Variants in PPP2R5C observed in about 807,000 individuals in gnomAD.
The protein encoded by PPP2R5C is protein phosphatase 2 regulatory subunit B'gamma.
PPP2R5C carries 7 observed loss-of-function variants against 68.9 expected under a neutral mutation model. The ratio of observed to expected loss-of-function variants is 0.10; its 90% CI spans 0.06 to 0.19. PPP2R5C has a LOEUF of 0.19. Among genes scored for constraint, PPP2R5C ranks in the 10% least tolerant of loss-of-function variants. The pLI, the probability that PPP2R5C is intolerant of heterozygous loss-of-function variation, is 1.00. For synonymous variants in PPP2R5C, 210 were observed against 222.2 expected (o/e 0.95, Z 0.49); for missense variants, 348 against 641.3 (o/e 0.54, Z 4.94).
intron 1 of PPP2R5C, among the ~76,000 whole-genome samples, chr14:101,838,035 G>A (rs1353603493): frequency 6.6e-6 from 1 of 152,182 alleles, no homozygotes; most frequent in African/African-American, 2.4e-5. Context: ...TAGAGTTAAT[G>A]TGTAAAGATT....
chr14:101,893,272 A>G (rs901484767), intron 7 of PPP2R5C, among the ~76,000 whole-genome samples, 164 bp downstream of exon 9: 3 of 152,238 alleles, frequency 2.0e-5, no homozygotes, highest in Non-Finnish European at 4.4e-5. Flanking sequence ...GGGGGTAAAG[A>G]GAGATTCCTT....
chr14:101,870,294 A>G (rs2476523), intron 2 of PPP2R5C, among the ~76,000 whole-genome samples: 20,773 of 152,026 alleles, frequency 0.14, 1,645 homozygotes, highest in African/African-American at 0.2. Context: ...TAAGCTCACA[A>G]AGATTTTTCT....
intron 2 of PPP2R5C, among the ~76,000 whole-genome samples, chr14:101,780,880 A>C (rs1441151477): frequency 1.3e-5 from 2 of 152,152 alleles, no homozygotes; most frequent in East Asian, 3.9e-4. Context: ...GGGGTCCAGC[A>C]TTTGGCTCAA....
At chr14:101,834,634 A>G (rs2040966600) in intron 1 of PPP2R5C, among the ~76,000 whole-genome samples, 1 of 152,228 alleles carries the variant, frequency 6.6e-6, no homozygotes, top group African/African-American at 2.4e-5. Flanking sequence ...CATAGAATGC[A>G]TGCTTAAAGC....
chr14:101,816,642 ACTTTT>A (rs2039687654), intron 1 of PPP2R5C, among the ~76,000 whole-genome samples: 1 of 151,722 alleles, frequency 6.6e-6, no homozygotes, highest in Admixed American at 6.6e-5. Flanking sequence ...TTTGTAAGGG[ACTTTT>A]CTTATTCTTA....
intron 1 of PPP2R5C, among the ~76,000 whole-genome samples, chr14:101,837,361 A>G (rs983547549): frequency 1.3e-5 from 2 of 152,060 alleles, no homozygotes; most frequent in East Asian, 1.9e-4. Flanking sequence ...CAGTCAGGCT[A>G]GTCCTCAACT....
intron 1 of PPP2R5C, among the ~76,000 whole-genome samples, chr14:101,828,552 A>C (rs1464914403): frequency 6.6e-6 from 1 of 152,170 alleles, no homozygotes; most frequent in Non-Finnish European, 1.5e-5. Context: ...ATACACAAAG[A>C]ACATACCTAT....
rs1273685865 is a variant in PPP2R5C at position 101,835,023 on chromosome 14, C to G, written c.95-21663C>G. Among the ~76,000 whole-genome samples the G allele has an allele frequency of 6.6e-6, 1 of 151,878 alleles. No homozygotes were observed. The highest frequency in any genetic ancestry group is 1.5e-5 in the Non-Finnish European group (1 of 67,994). Reference sequence around the variant, plus strand: ...GAAGTGTTTTGTTTTGTTTTGTTTACTTTTTAGGAGTGTATTCAAAGCACA... The same window carrying G: ...GAAGTGTTTTGTTTTGTTTTGTTTAGTTTTTAGGAGTGTATTCAAAGCACA... On this transcript the variant is annotated intron_variant, in intron 1 of 13. Transcript: ENST00000334743. This position sits in a 1 kb window ranked among gnomAD's most constrained non-coding sequence, Gnocchi z 5.0.
intron 13 of PPP2R5C, among the ~76,000 whole-genome samples, chr14:101,922,998 G>T (rs1293435161): frequency 1.3e-5 from 2 of 152,128 alleles, no homozygotes; most frequent in Admixed American, 1.3e-4. Flanking sequence ...AGCCTTCCGG[G>T]TCTGCCCGTG....
rs1198668666 is a variant in PPP2R5C at position 101,882,030 on chromosome 14, G to A, written c.295-131G>A. ...CTCTGAGGACCCACACAGCTTCTGC[G>A]TTTTGAGGATACGGAGGAGCTAAGT... On this transcript the variant is annotated intron_variant, in intron 2 of 13. Transcript: ENST00000334743. This position sits in a 1 kb window ranked among gnomAD's most constrained non-coding sequence, Gnocchi z 4.9. The A allele has an allele frequency of 6.7e-5, 45 of 675,158 alleles. 1 individual carries two copies. In the South Asian group the frequency reaches 7.1e-4, roughly 11 times the overall value. 41.8% of individuals were successfully genotyped at this position (675,158 alleles called of 1,614,324 possible).
upstream of PPP2R5C, among the ~76,000 whole-genome samples, chr14:101,806,623 T>G (rs1241730790): frequency 6.6e-6 from 1 of 152,340 alleles, no homozygotes; most frequent in South Asian, 2.1e-4. Context: ...TTTATAGCAT[T>G]TATATTTCCT....
rs2140030041 is a variant in PPP2R5C, at chr14:101,781,748, A to G, written c.94-4270A>G. The stretch of plus-strand genomic sequence containing the variant: ...CCCGGGGAAGAAGCGGAGGACGCCG[A>G]TCTGGCCTCCTGCGTTGCGCGCTCC... On this transcript the variant is annotated intron_variant, in intron 2 of 14. Transcript: ENST00000328724. This position sits in a 1 kb window ranked among gnomAD's most constrained non-coding sequence, Gnocchi z 6.4. 6.6e-6 allele frequency among the ~76,000 whole-genome samples: 1 copy of G among 151,702 alleles called. No individual in the cohort carries two copies. The highest frequency in any genetic ancestry group is 2.4e-5 in the African/African-American group (1 of 41,332).
upstream of PPP2R5C, chr14:101,809,843 C>G: frequency 6.7e-7 from 1 of 1,483,844 alleles, no homozygotes; most frequent in South Asian, 1.4e-5. Flanking sequence ...CCAGTTCCCT[C>G]CAGCTGCAGA....
chr14:101,844,973 T>TG (rs2041734164), intron 1 of PPP2R5C, among the ~76,000 whole-genome samples: 1 of 152,068 alleles, frequency 6.6e-6, no homozygotes, highest in South Asian at 2.1e-4. Flanking sequence ...GCACGAAGGG[T>TG]GTTGAGCATT....
At chr14:101,847,874 G>A (rs1341159018) in intron 1 of PPP2R5C, among the ~76,000 whole-genome samples, 1 of 152,036 alleles carries the variant, frequency 6.6e-6, no homozygotes, top group East Asian at 1.9e-4. Flanking sequence ...TGTTGGCCAG[G>A]ATGGTCTCAA....
exon 14 of PPP2R5C, chr14:101,925,356 T>C: frequency 6.5e-7 from 1 of 1,532,000 alleles, no homozygotes; most frequent in South Asian, 1.2e-5. Flanking sequence ...GCCATACCAA[T>C]CAGTTACACT....
intron 1 of PPP2R5C, among the ~76,000 whole-genome samples, chr14:101,850,611 A>C (rs2042100342): frequency 6.6e-6 from 1 of 152,124 alleles, no homozygotes; most frequent in African/African-American, 2.4e-5. Context: ...GTGAGGAGGG[A>C]CCAGGTGCAG....
chr14:101,904,446 G>A (rs143538265), intron 9 of PPP2R5C, among the ~76,000 whole-genome samples: 58 of 152,178 alleles, frequency 3.8e-4, no homozygotes, highest in African/African-American at 1.3e-3. Flanking sequence ...CACCATGCCC[G>A]GCCTAGATGG....
intron 2 of PPP2R5C, among the ~76,000 whole-genome samples, chr14:101,783,267 T>C (rs1399332481): frequency 1.1e-5 from 1 of 90,444 alleles, no homozygotes; most frequent in Non-Finnish European, 2.2e-5. Context: ...CTTCTCCCCC[T>C]CTCTGAGCCC....
Sources: allele counts gnomAD v4.1 joint callset (sites outside exome capture counted in the v4.1 genomes callset), GRCh38; gene constraint gnomAD v4.1.1; non-coding constraint Gnocchi (gnomAD v3.1); transcripts MANE v1.5; gene names NCBI Gene and HGNC (gene_info 2026-07-23, HGNC 2026-07-21).